PLCB4: variants seen among roughly 807,000 people sequenced by gnomAD.
PLCB4 encodes 1-phosphatidylinositol 4,5-bisphosphate phosphodiesterase beta-4.
PLCB4 carries 77 observed loss-of-function variants against 178.8 expected under a neutral mutation model. That is an observed-to-expected ratio of 0.43 (90% CI 0.36 to 0.52). The LOEUF (loss-of-function observed/expected upper bound fraction) is 0.52. Among genes scored for constraint, PLCB4 ranks in the 20% least tolerant of loss-of-function variants. The pLI is 0.00. For missense variants in PLCB4, 1,024 were observed against 1,453.4 expected (o/e 0.70, Z 4.80); for synonymous variants, 496 against 490.8 (o/e 1.01, Z -0.14).
intron 2 of PLCB4, among the ~76,000 whole-genome samples, chr20:9,153,638 T>G (rs1450191344): frequency 1.3e-5 from 2 of 152,144 alleles, no homozygotes; most frequent in Non-Finnish European, 2.9e-5. Flanking sequence ...ACTAATACAA[T>G]GGCTTTAAAT....
chr20:9,410,985 G>A (rs1028701766), intron 24 of PLCB4, 52 bp from the exon 25 acceptor site: 1 of 1,322,242 alleles, frequency 7.6e-7, no homozygotes, highest in Non-Finnish European at 1.1e-6. Flanking sequence ...CCCCGTCAGG[G>A]TCTTTTTTGT....
At chr20:9,114,722 A>T (rs2091718676) in intron 2 of PLCB4, among the ~76,000 whole-genome samples, 1 of 152,174 alleles carries the variant, frequency 6.6e-6, no homozygotes, top group African/African-American at 2.4e-5. Context: ...TCTTCCCCCA[A>T]CCCCAAATTA....
intron 35 of PLCB4, among the ~76,000 whole-genome samples, chr20:9,462,434 T>G (rs992616259): frequency 6.6e-6 from 1 of 152,132 alleles, no homozygotes; most frequent in African/African-American, 2.4e-5. Context: ...TTGACAGAAG[T>G]GGGCTTCAAA....
chr20:9,385,050 C>T (rs573921732), intron 14 of PLCB4, among the ~76,000 whole-genome samples: 1 of 152,306 alleles, frequency 6.6e-6, no homozygotes, highest in East Asian at 1.9e-4. Context: ...TTTAACAAAG[C>T]ACATCTTGTA....
At chr20:9,179,101 A>G (rs892440617) in intron 2 of PLCB4, among the ~76,000 whole-genome samples, 4 of 152,192 alleles carry the variant, frequency 2.6e-5, no homozygotes, top group Non-Finnish European at 4.4e-5. Context: ...GGGTATAGGC[A>G]CAGATTTTTT....
chr20:9,090,191 G>A (rs2090612273), intron 1 of PLCB4, among the ~76,000 whole-genome samples: 1 of 150,758 alleles, frequency 6.6e-6, no homozygotes, highest in African/African-American at 2.4e-5. Flanking sequence ...AAAACTGTGA[G>A]TGTTATAGTG....
At chr20:9,208,633 C>T (rs568002517) in intron 2 of PLCB4, among the ~76,000 whole-genome samples, 6 of 151,894 alleles carry the variant, frequency 4.0e-5, no homozygotes, top group Admixed American at 2.6e-4. Context: ...TTGACTTCCT[C>T]GGTTCAAGTA....
chr20:9,404,663 A>G (rs1253559929), intron 20 of PLCB4, among the ~76,000 whole-genome samples: 6 of 151,666 alleles, frequency 4.0e-5, no homozygotes. Context: ...TTAGTGTCTT[A>G]GTCAGTTGGT....
intron 28 of PLCB4, among the ~76,000 whole-genome samples, chr20:9,430,008 G>A (rs939097453): frequency 6.6e-5 from 10 of 152,046 alleles, no homozygotes; most frequent in African/African-American, 2.2e-4. Context: ...AATAAGAATT[G>A]TCTTGAGCCA....
chr20:9,405,358 T>C lies in PLCB4; in HGVS notation c.1647+10T>C. The C allele has an allele frequency of 1.3e-6, 2 of 1,496,252 alleles. No individual in the cohort carries two copies. The highest frequency in any genetic ancestry group is 1.8e-6 in the Non-Finnish European group (2 of 1,093,180). The allele number at this position is 1,496,252 out of a possible 1,614,324, so 92.7% of individuals were successfully genotyped here. On this transcript the variant is annotated intron_variant, in intron 21 of 39. Coordinates refer to ENST00000378473, the MANE Select transcript of PLCB4 (RefSeq NM_001377142.1). ...TGAAAACAACAAAAAGGTAACAAAATAATTCCCTTGCACATTTTAAATCAG... is the reference window on the plus strand; with the variant it reads ...TGAAAACAACAAAAAGGTAACAAAACAATTCCCTTGCACATTTTAAATCAG...
At chr20:9,084,564 G>C (rs1392128580) in intron 1 of PLCB4, among the ~76,000 whole-genome samples, 1 of 151,776 alleles carries the variant, frequency 6.6e-6, no homozygotes, top group Non-Finnish European at 1.5e-5. Flanking sequence ...GTGCATTGTA[G>C]TGTTTTGCTT....
At chr20:9,462,402 G>A (rs948371575) in intron 35 of PLCB4, among the ~76,000 whole-genome samples, 2 of 152,202 alleles carry the variant, frequency 1.3e-5, no homozygotes, top group African/African-American at 4.8e-5. Context: ...AACAAAGCTG[G>A]ATGGAGAAGG....
Position 9,183,437 on chromosome 20 carries a change from T to C in PLCB4, c.-78-33953T>C, listed in dbSNP as rs541030176. On this transcript the variant is annotated intron_variant, in intron 2 of 39. Coordinates refer to ENST00000378473, the MANE Select transcript of PLCB4 (RefSeq NM_001377142.1). ...GGAGGCATGGGGGAAAGGGCTGTGATACCACAGAGGACGTAGAAATTTTTT... is the reference window on the plus strand; with the variant it reads ...GGAGGCATGGGGGAAAGGGCTGTGACACCACAGAGGACGTAGAAATTTTTT... Among the ~76,000 whole-genome samples the C allele has an allele frequency of 7.9e-5, 12 of 152,248 alleles. No homozygotes were observed. In the South Asian group the frequency reaches 2.5e-3, roughly 32 times the overall value.
chr20:9,236,883 T>C (rs2093999186), intron 3 of PLCB4, among the ~76,000 whole-genome samples: 1 of 152,234 alleles, frequency 6.6e-6, no homozygotes, highest in Non-Finnish European at 1.5e-5. Flanking sequence ...AACAGACAAC[T>C]GAAATATGAT....
chr20:9,224,759 G>A (rs2093842548), intron 3 of PLCB4, among the ~76,000 whole-genome samples: 1 of 152,164 alleles, frequency 6.6e-6, no homozygotes, highest in Admixed American at 6.5e-5. Flanking sequence ...TAGAAGGAAA[G>A]GGGAAAAGCA....
chr20:9,348,574 G>A (rs980594174), intron 7 of PLCB4, among the ~76,000 whole-genome samples: 5 of 152,084 alleles, frequency 3.3e-5, no homozygotes, highest in African/African-American at 1.2e-4. Flanking sequence ...TCCATGGGGC[G>A]AGCTCTGTTC....
chr20:9,429,878 CA>C (rs2041275483), intron 28 of PLCB4, among the ~76,000 whole-genome samples: 1 of 152,154 alleles, frequency 6.6e-6, no homozygotes, highest in Non-Finnish European at 1.5e-5. Flanking sequence ...ATTCAAATGC[CA>C]TTCTTCTGCA....
intron 3 of PLCB4, among the ~76,000 whole-genome samples, chr20:9,231,270 G>T (rs1253259165): frequency 6.6e-6 from 1 of 152,108 alleles, no homozygotes; most frequent in African/African-American, 2.4e-5. Context: ...AGCCTCCATG[G>T]ATGAGGTAGC....
At chr20:9,243,077 C>G (rs1049469223) in intron 3 of PLCB4, among the ~76,000 whole-genome samples, 7 of 152,090 alleles carry the variant, frequency 4.6e-5, no homozygotes, top group African/African-American at 1.7e-4. Flanking sequence ...TTGGGATGTA[C>G]TTTTAATACT....
Sources: allele counts gnomAD v4.1 joint callset (sites outside exome capture counted in the v4.1 genomes callset), GRCh38; gene constraint gnomAD v4.1.1; transcripts MANE v1.5; gene names NCBI Gene and HGNC (gene_info 2026-07-23, HGNC 2026-07-21).